Variants in RPS6KC1 observed in about 807,000 individuals in gnomAD.
The protein encoded by RPS6KC1 is ribosomal protein S6 kinase C1, also known as inactive ribosomal protein S6 kinase delta-1.
Under a neutral mutation model 103.8 loss-of-function variants are expected in RPS6KC1, and 54 were observed. That is an observed-to-expected ratio of 0.52 (90% confidence interval 0.42 to 0.65). The LOEUF (loss-of-function observed/expected upper bound fraction) is 0.65, where lower values mean the gene tolerates loss of function less well. Among genes scored for constraint, RPS6KC1 ranks in the 30% least tolerant of loss-of-function variants. RPS6KC1 has a pLI of 0.00. For missense variants in RPS6KC1, 1,151 were observed against 1,253.8 expected (o/e 0.92, Z 1.24); for synonymous variants, 439 against 438.7 (o/e 1.00, Z -0.01).
chr1:213,505,379 G>A, the RPS6KC1 span, among the ~76,000 whole-genome samples: 1 of 152,146 alleles, frequency 6.6e-6, no homozygotes, highest in African/African-American at 2.4e-5. Context: ...TCTCTTTGAT[G>A]GTGCCTGTGC....
intron 6 of RPS6KC1, among the ~76,000 whole-genome samples, chr1:213,145,967 G>GTTTTTTTT (rs71573864): frequency 6.5e-4 from 31 of 47,836 alleles, no homozygotes; most frequent in Non-Finnish European, 7.5e-4. Context: ...CATTCATTCT[G>GTTTTTTTT]TTTTTTTTTT....
At chr1:213,218,433 T>C (rs1215093932) in intron 8 of RPS6KC1, among the ~76,000 whole-genome samples, 4 of 152,134 alleles carry the variant, frequency 2.6e-5, no homozygotes, top group Non-Finnish European at 4.4e-5. Flanking sequence ...ATTGTGAAAA[T>C]GGCCATACTG....
the RPS6KC1 span, among the ~76,000 whole-genome samples, chr1:213,815,601 C>G: frequency 1.3e-5 from 2 of 152,178 alleles, no homozygotes; most frequent in African/African-American, 4.8e-5. Context: ...CAGATCACTG[C>G]AATAAAGCAA....
At chr1:213,087,893 C>G (rs1310394223) in intron 3 of RPS6KC1, among the ~76,000 whole-genome samples, 1 of 152,174 alleles carries the variant, frequency 6.6e-6, no homozygotes, top group Non-Finnish European at 1.5e-5. Context: ...CCTGCCAACA[C>G]ATTTTGGACT....
the RPS6KC1 span, among the ~76,000 whole-genome samples, chr1:213,834,910 A>G: frequency 3.9e-5 from 6 of 152,198 alleles, no homozygotes; most frequent in Admixed American, 6.5e-5. Flanking sequence ...CGCAGCCATC[A>G]AGACAAAGTC....
the RPS6KC1 span, among the ~76,000 whole-genome samples, chr1:213,414,912 C>T: frequency 1.3e-5 from 2 of 152,230 alleles, no homozygotes; most frequent in South Asian, 2.1e-4. Flanking sequence ...CTGCCTCCCC[C>T]ACACAGTGGT....
chr1:213,177,635 A>G (rs986136011), intron 8 of RPS6KC1, among the ~76,000 whole-genome samples: 1 of 152,118 alleles, frequency 6.6e-6, no homozygotes, highest in Non-Finnish European at 1.5e-5. Flanking sequence ...TTCTTTTTTT[A>G]AGAGCCTGAA....
At chr1:213,146,296 T>C (rs530889037) in intron 6 of RPS6KC1, among the ~76,000 whole-genome samples, 44 of 152,136 alleles carry the variant, frequency 2.9e-4, no homozygotes, top group Non-Finnish European at 4.4e-4. Context: ...CATCTGTTAA[T>C]GGACACTTAG....
chr1:213,304,078 C>T, the RPS6KC1 span, among the ~76,000 whole-genome samples: 1 of 149,562 alleles, frequency 6.7e-6, no homozygotes, highest in African/African-American at 2.4e-5. Flanking sequence ...TAGTGGCGGG[C>T]GCCTGTAGTC....
chr1:213,531,016 T>C, the RPS6KC1 span, among the ~76,000 whole-genome samples: 5 of 152,340 alleles, frequency 3.3e-5, no homozygotes, highest in South Asian at 2.1e-4. Context: ...TTGTTATTTT[T>C]TTGAAGCAGC....
the RPS6KC1 span, among the ~76,000 whole-genome samples, chr1:213,416,119 C>T: frequency 6.6e-6 from 1 of 152,208 alleles, no homozygotes; most frequent in Non-Finnish European, 1.5e-5. Flanking sequence ...GCCGGGGGAT[C>T]TCCCAGGCTC....
chr1:213,079,806 T>C (rs986688845), intron 3 of RPS6KC1, among the ~76,000 whole-genome samples: 1 of 152,054 alleles, frequency 6.6e-6, no homozygotes, highest in African/African-American at 2.4e-5. Flanking sequence ...ACAAGTTTCC[T>C]GCTCCTTCCC....
chr1:213,151,885 C>A (rs2089058995), intron 6 of RPS6KC1, among the ~76,000 whole-genome samples: 1 of 121,376 alleles, frequency 8.2e-6, no homozygotes, highest in African/African-American at 3.3e-5. Context: ...GGGGCTGATC[C>A]CCCAACCTCC....
chr1:213,380,818 C>T, the RPS6KC1 span, among the ~76,000 whole-genome samples: 2 of 152,164 alleles, frequency 1.3e-5, no homozygotes, highest in African/African-American at 4.8e-5. Context: ...CGCAGCTCAC[C>T]CTGGGCAGAG....
At chr1:213,776,077 C>T in the RPS6KC1 span, among the ~76,000 whole-genome samples, 1 of 152,202 alleles carries the variant, frequency 6.6e-6, no homozygotes, top group Non-Finnish European at 1.5e-5. Flanking sequence ...GTTTTCACCA[C>T]ATCTGAAGTT....
At chr1:213,734,610 A>C in the RPS6KC1 span, among the ~76,000 whole-genome samples, 1 of 152,214 alleles carries the variant, frequency 6.6e-6, no homozygotes, top group Non-Finnish European at 1.5e-5. Flanking sequence ...GTATGAAAAC[A>C]CCAACCCCCT....
chr1:213,543,714 T>C, the RPS6KC1 span, among the ~76,000 whole-genome samples: 518 of 152,340 alleles, frequency 3.4e-3, 4 homozygotes, highest in African/African-American at 8.0e-3. Flanking sequence ...CAATAAAGAA[T>C]TGCTCTATCC....
chr1:213,676,377 A>G, the RPS6KC1 span, among the ~76,000 whole-genome samples: 1 of 152,148 alleles, frequency 6.6e-6, no homozygotes, highest in Non-Finnish European at 1.5e-5. Flanking sequence ...AGTATCTGTC[A>G]TATAGGAGAT....
At chr1:213,845,791 A>C in the RPS6KC1 span, among the ~76,000 whole-genome samples, 2 of 152,168 alleles carry the variant, frequency 1.3e-5, no homozygotes, top group Non-Finnish European at 2.9e-5. Flanking sequence ...CAATTTTCAC[A>C]TGTGAAAAAT....
Sources: allele counts gnomAD v4.1 joint callset (sites outside exome capture counted in the v4.1 genomes callset), GRCh38; gene constraint gnomAD v4.1.1; transcripts MANE v1.5; gene names NCBI Gene and HGNC (gene_info 2026-07-23, HGNC 2026-07-21).